The following SAXO1 variants were observed in gnomAD, a reference collection of about 807,000 sequenced individuals.
SAXO1 encodes stabilizer of axonemal microtubules 1, also known as 4930500O09Rik.
A neutral mutation model predicts 17.5 loss-of-function variants in SAXO1; 21 were observed. That is an observed-to-expected ratio of 1.20 (90% CI 0.85 to 1.72). The LOEUF is 1.72. Among genes scored for constraint, SAXO1 ranks in the 40% most tolerant of loss-of-function variants. The pLI, the probability that SAXO1 is intolerant of heterozygous loss-of-function variation, is 0.00. For missense variants in SAXO1, 843 were observed against 596.0 expected, an observed-to-expected ratio of 1.41 and a Z score of -4.32; for synonymous variants, 274 against 216.5, an observed-to-expected ratio of 1.27 and a Z score of -2.33.
intron 3 of SAXO1, among the ~76,000 whole-genome samples, chr9:18,939,734 T>C (rs1468491787): frequency 6.6e-6 from 1 of 152,220 alleles, no homozygotes; most frequent in Non-Finnish European, 1.5e-5. Flanking sequence ...GGTTTGGGTT[T>C]TTATCGTAAT....
intron 1 of SAXO1, among the ~76,000 whole-genome samples, chr9:19,019,031 T>C (rs1455607808): frequency 2.0e-5 from 3 of 151,898 alleles, no homozygotes; most frequent in African/African-American, 4.8e-5. Flanking sequence ...ATCACTTGAA[T>C]TTGGAAGGTG....
chr9:19,032,772 C>T, intron 1 of SAXO1, 99 bp downstream of exon 1: 7 of 1,368,666 alleles, frequency 5.1e-6, no homozygotes, highest in Middle Eastern at 1.8e-4. Context: ...ACGAACCCAC[C>T]GTGATGCCGC....
intron 1 of SAXO1, among the ~76,000 whole-genome samples, chr9:19,043,529 G>C (rs937979374): frequency 6.6e-6 from 1 of 152,150 alleles, no homozygotes; most frequent in Non-Finnish European, 1.5e-5. Context: ...CACTTTGGGA[G>C]GCCAAGGCGG....
At chr9:18,980,396 A>T (rs1299357908) in intron 1 of SAXO1, among the ~76,000 whole-genome samples, 1 of 152,036 alleles carries the variant, frequency 6.6e-6, no homozygotes, top group Non-Finnish European at 1.5e-5. Context: ...AAGCTTCAGG[A>T]GATGAAGAAG....
At chr9:18,983,219 C>A (rs1238899084) in intron 1 of SAXO1, among the ~76,000 whole-genome samples, 1 of 152,044 alleles carries the variant, frequency 6.6e-6, no homozygotes, top group African/African-American at 2.4e-5. Flanking sequence ...GCTGGGGAGG[C>A]CTCAGGAAAC....
At chr9:18,962,308 T>C (rs1832520893) in intron 1 of SAXO1, among the ~76,000 whole-genome samples, 1 of 152,240 alleles carries the variant, frequency 6.6e-6, no homozygotes, top group Non-Finnish European at 1.5e-5. Flanking sequence ...ACTCAGATGA[T>C]CTGCCCGCCT....
intron 1 of SAXO1, among the ~76,000 whole-genome samples, chr9:18,987,902 AAAAAAAAG>A (rs1457007472): frequency 1.3e-4 from 20 of 149,718 alleles, no homozygotes; most frequent in East Asian, 3.9e-4. Context: ...GTCTCAAAAA[AAAAAAAAG>A]AAAAAAAGAA....
intron 1 of SAXO1, among the ~76,000 whole-genome samples, chr9:19,011,108 T>G (rs1261383584): frequency 1.3e-5 from 2 of 152,212 alleles, no homozygotes; most frequent in Non-Finnish European, 2.9e-5. Context: ...AGATTTTAAA[T>G]TCCCTAAAAA....
intron 1 of SAXO1, among the ~76,000 whole-genome samples, chr9:18,975,623 T>A (rs1833116442): frequency 6.6e-6 from 1 of 152,206 alleles, no homozygotes; most frequent in Non-Finnish European, 1.5e-5. Context: ...GCATAGTGAC[T>A]AGTGAGAAGG....
intron 1 of SAXO1, among the ~76,000 whole-genome samples, chr9:18,994,917 G>A (rs1232626848): frequency 9.2e-5 from 14 of 152,186 alleles, no homozygotes; most frequent in Admixed American, 8.5e-4. Flanking sequence ...AACAAGACAT[G>A]TTTGAACATT....
At position 19,016,107 on chromosome 9, in the gene SAXO1, C is replaced by T. The variant is rs375417421; in HGVS notation, c.38+16764G>A. Among the ~76,000 whole-genome samples, 212 of 152,270 alleles carry T rather than the reference C, an allele frequency of 1.4e-3. 6 individuals carry two copies. In the South Asian group the frequency reaches 0.043, roughly 31 times the overall value. The stretch of plus-strand genomic sequence containing the variant: ...TCTCCAAGGACAATAATATAAGATC[C>T]ATTCCTGTGATAAAGCCATTAATGC... On this transcript the variant is annotated intron_variant, in intron 1 of 3. Transcript: ENST00000380534.
At chr9:18,934,187 T>C (rs1203739184) in intron 3 of SAXO1, among the ~76,000 whole-genome samples, 1 of 152,198 alleles carries the variant, frequency 6.6e-6, no homozygotes, top group Non-Finnish European at 1.5e-5. Flanking sequence ...TTTGTACTTA[T>C]TCTATTTGGA....
chr9:18,945,210 C>A (rs994687040), intron 2 of SAXO1, among the ~76,000 whole-genome samples: 6 of 152,192 alleles, frequency 3.9e-5, no homozygotes, highest in African/African-American at 1.4e-4. Flanking sequence ...CTCCTCATGT[C>A]CCACCCATCA....
intron 1 of SAXO1, among the ~76,000 whole-genome samples, chr9:18,995,120 AT>A (rs1273770805): frequency 6.6e-6 from 1 of 152,200 alleles, no homozygotes; most frequent in Non-Finnish European, 1.5e-5. Flanking sequence ...AAATTAACTA[AT>A]AAAACAAGAT....
intron 1 of SAXO1, among the ~76,000 whole-genome samples, chr9:18,999,079 T>C (rs1274854911): frequency 1.3e-5 from 2 of 152,220 alleles, no homozygotes; most frequent in Non-Finnish European, 2.9e-5. Context: ...AGCATCATAA[T>C]GACATGATCA....
intron 3 of SAXO1, among the ~76,000 whole-genome samples, chr9:18,938,926 A>G (rs760490629): frequency 6.6e-6 from 1 of 151,660 alleles, no homozygotes; most frequent in Non-Finnish European, 1.5e-5. Context: ...AATGCTACAT[A>G]TAGACCTCCT....
intron 1 of SAXO1, among the ~76,000 whole-genome samples, chr9:18,986,735 C>A (rs1240302951): frequency 1.3e-5 from 2 of 152,202 alleles, no homozygotes; most frequent in East Asian, 3.9e-4. Flanking sequence ...CAAAGACTGT[C>A]ACATACAGTT....
intron 1 of SAXO1, among the ~76,000 whole-genome samples, chr9:19,006,887 A>G (rs1317872683): frequency 6.6e-6 from 1 of 151,970 alleles, no homozygotes; most frequent in Non-Finnish European, 1.5e-5. Context: ...TCTACTAAAA[A>G]TACAAAAATT....
intron 1 of SAXO1, among the ~76,000 whole-genome samples, chr9:18,982,475 C>CA (rs1833431280): frequency 6.6e-6 from 1 of 152,160 alleles, no homozygotes; most frequent in Admixed American, 6.5e-5. Context: ...ATGAAACACA[C>CA]AAAACAAAAG....
Sources: allele counts gnomAD v4.1 joint callset (sites outside exome capture counted in the v4.1 genomes callset), GRCh38; gene constraint gnomAD v4.1.1; transcripts MANE v1.5; gene names NCBI Gene and HGNC (gene_info 2026-07-23, HGNC 2026-07-21).